The following MYBPHL variants were observed in gnomAD, a reference collection of about 807,000 sequenced individuals.
MYBPHL encodes the protein myosin binding protein H like, also known as myosin-binding protein H-like.
A neutral mutation model predicts 39.5 loss-of-function variants in MYBPHL; 32 were observed. That is an observed-to-expected ratio of 0.81 (90% CI 0.61 to 1.09). The LOEUF (loss-of-function observed/expected upper bound fraction) is 1.09, where lower values mean the gene tolerates loss of function less well. Ranked by LOEUF, MYBPHL falls within the 50% of genes least tolerant of loss-of-function variation. MYBPHL has a pLI of 0.00. For missense variants in MYBPHL, 456 were observed against 460.2 expected (o/e 0.99, Z 0.08); for synonymous variants, 196 against 183.7 (o/e 1.07, Z -0.54).
chr1:109,301,810 T>C (rs1348126509), intron 1 of MYBPHL, among the ~76,000 whole-genome samples: 1 of 152,196 alleles, frequency 6.6e-6, no homozygotes, highest in African/African-American at 2.4e-5. Context: ...ATTAGAAAAT[T>C]CCTCCTAATA....
At chr1:109,299,574 T>G (rs748683095) in intron 1 of MYBPHL, among the ~76,000 whole-genome samples, 4 of 152,222 alleles carry the variant, frequency 2.6e-5, no homozygotes, top group Non-Finnish European at 5.9e-5. Flanking sequence ...AATCTCAAGG[T>G]CGCGAGACCT....
At chr1:109,296,097 A>C (rs970087665) in intron 6 of MYBPHL, 137 bp downstream of exon 6, 4 of 1,086,412 alleles carry the variant, frequency 3.7e-6, no homozygotes, top group Non-Finnish European at 5.3e-6. Context: ...ACTGTTCCTA[A>C]ATACCGTGCT....
In MYBPHL at chr1:109,306,739, G is replaced by T. The variant is rs1245204671; in HGVS notation, c.145+108C>A. The stretch of plus-strand genomic sequence containing the variant: ...CTCCAGCCTAATCACCAATCCTATA[G>T]AGTCTTTAGCTCTGCAGAAAACCTG... On this transcript the variant is annotated intron_variant, in intron 1 of 8. Coordinates refer to ENST00000357155, the MANE Select transcript of MYBPHL (RefSeq NM_001010985.3). 4.3e-6 allele frequency: 4 copies of T among 929,096 alleles called. 1 individual carries two copies. The highest frequency in any genetic ancestry group is 3.1e-6 in the Non-Finnish European group (2 of 648,510). 57.6% of individuals were successfully genotyped at this position (929,096 alleles called of 1,614,324 possible).
In MYBPHL at chr1:109,298,333, G is replaced by C. The variant is rs931363167; in HGVS notation, c.146-76C>G. The C allele has an allele frequency of 4.5e-6, 6 of 1,332,336 alleles. No homozygotes were observed. In the East Asian group the frequency reaches 1.2e-4, roughly 27 times the overall value. The allele number at this position is 1,332,336 out of a possible 1,614,324, so 82.5% of individuals were successfully genotyped here. On this transcript the variant is annotated intron_variant, in intron 1 of 8. Transcript: ENST00000357155. Reference sequence around the variant, plus strand: ...ATCCTGCATCCAGCTGCCTGCTGTGGGTGAGTGGCCCAGGAATCGGTCACC... The same window carrying C: ...ATCCTGCATCCAGCTGCCTGCTGTGCGTGAGTGGCCCAGGAATCGGTCACC...
chr1:109,296,206 C>T (rs1658052636), intron 6 of MYBPHL, 28 bp downstream of exon 6: 1 of 1,611,180 alleles, frequency 6.2e-7, no homozygotes, highest in African/African-American at 1.3e-5. Context: ...AGCAGCTCAG[C>T]ACAGTGCCCC....
chr1:109,296,256 C>T lies in MYBPHL; in HGVS notation c.845G>A (p.Cys282Tyr), dbSNP rs1658055850. The T allele has an allele frequency of 6.2e-7, 1 of 1,613,868 alleles. No homozygotes were observed. Among genetic ancestry groups the T allele is most frequent in the Non-Finnish European group, 8.5e-7 (1 of 1,179,992 alleles). ...TVTGYNTQLF[C>Y]CVRASPRPKI... is the part of the protein sequence containing the mutation. ...CACCCGGGGAGAGGCGCGGACACAG[C>T]AGAAGAGCTGGGTATTATAGCCGGT... is the stretch of plus-strand genomic sequence containing the variant. Residue 282 changes from cysteine (C) to tyrosine (Y), a missense_variant, in exon 6 of 9, where the codon TGC becomes TAC. Coordinates refer to ENST00000357155, the MANE Select transcript of MYBPHL (RefSeq NM_001010985.3).
chr1:109,294,280 A>G (rs774664758), intron 7 of MYBPHL, 31 bp from the exon 8 acceptor site: 10 of 1,606,030 alleles, frequency 6.2e-6, no homozygotes, highest in Non-Finnish European at 8.5e-7. Context: ...CTCAGTGTTA[A>G]CATCTCAGAA....
chr1:109,303,487 T>A (rs1046026387), intron 1 of MYBPHL, among the ~76,000 whole-genome samples: 5 of 152,204 alleles, frequency 3.3e-5, no homozygotes, highest in African/African-American at 9.7e-5. Context: ...CAAAATTATA[T>A]GGAGTTTAAC....
Position 109,297,514 on chromosome 1 carries a change from C to A in MYBPHL, c.338G>T (p.Arg113Leu). Residue 113 changes from arginine (R) to leucine (L), a missense_variant, in exon 3 of 9, where the codon CGA (arginine) becomes CTA (leucine). Physicochemically the swap from Arg to Leu is moderately radical, Grantham distance 102. Transcript: ENST00000357155. ...NGEQDSILFI[R>L]EAQRADSGRY... ...ACCTGAGTCAGCACGTTGGGCTTCTCGGATGAAGAGGATGGAGTCTTGCTC... is the reference window on the plus strand; with the variant it reads ...ACCTGAGTCAGCACGTTGGGCTTCTAGGATGAAGAGGATGGAGTCTTGCTC... 1 of 1,613,796 alleles carries A rather than the reference C, an allele frequency of 6.2e-7. No individual in the cohort carries two copies. The highest frequency in any genetic ancestry group is 8.5e-7 in the Non-Finnish European group (1 of 1,180,018).
Position 109,294,504 on chromosome 1 carries a change from T to C in MYBPHL, c.1055-255A>G, listed in dbSNP as rs76499121. ...GGGGGGACAAAGGCAAATAAGACAA[T>C]GTCCCTACCCTCAAAATGCTTATAA... On this transcript the variant is annotated intron_variant, in intron 7 of 8. Coordinates refer to ENST00000357155, the MANE Select transcript of MYBPHL (RefSeq NM_001010985.3). Among the ~76,000 whole-genome samples, 1,019 of 152,232 alleles carry C rather than the reference T, an allele frequency of 6.7e-3. 15 individuals are homozygous for C. Among genetic ancestry groups the C allele is most frequent in the African/African-American group, 0.023 (973 of 41,526 alleles).
intron 8 of MYBPHL, 126 bp downstream of exon 8, chr1:109,294,080 C>A (rs928393624): frequency 1.5e-6 from 1 of 665,514 alleles, no homozygotes; most frequent in South Asian, 1.8e-5. Context: ...AAAATGGTTA[C>A]AACAAAAGTG....
chr1:109,302,828 C>T (rs79635650), intron 1 of MYBPHL, among the ~76,000 whole-genome samples: 132 of 152,352 alleles, frequency 8.7e-4, no homozygotes, highest in African/African-American at 3.0e-3. Flanking sequence ...TTACCCCTTC[C>T]GTAGCGTAGC....
chr1:109,299,546 T>C (rs1658211566), intron 1 of MYBPHL, among the ~76,000 whole-genome samples: 1 of 152,260 alleles, frequency 6.6e-6, no homozygotes, highest in Non-Finnish European at 1.5e-5. Context: ...AGAACTTCAC[T>C]CTGAGTCTCC....
intron 1 of MYBPHL, among the ~76,000 whole-genome samples, chr1:109,303,988 C>T (rs550629845): frequency 6.7e-6 from 1 of 149,310 alleles, no homozygotes; most frequent in Admixed American, 6.6e-5. Context: ...CTTTAAGTTG[C>T]TGCTCAAATG....
intron 1 of MYBPHL, among the ~76,000 whole-genome samples, chr1:109,305,105 G>T (rs1658418890): frequency 6.6e-6 from 1 of 152,020 alleles, no homozygotes. Context: ...ACTTTTTTGT[G>T]TATTTTTCCA....
intron 1 of MYBPHL, among the ~76,000 whole-genome samples, chr1:109,298,500 TCTC>T (rs1323225267): frequency 2.0e-5 from 3 of 152,012 alleles, no homozygotes; most frequent in Admixed American, 6.5e-5. Flanking sequence ...GTCTGACAGT[TCTC>T]TTAATTTGTA....
intron 1 of MYBPHL, among the ~76,000 whole-genome samples, chr1:109,300,070 G>T (rs1282562408): frequency 6.6e-6 from 1 of 152,216 alleles, no homozygotes; most frequent in Non-Finnish European, 1.5e-5. Context: ...CATTTGCTGG[G>T]GAGAGGGCTG....
intron 6 of MYBPHL, among the ~76,000 whole-genome samples, chr1:109,295,662 C>A (rs1457814255): frequency 6.6e-6 from 1 of 152,232 alleles, no homozygotes; most frequent in Non-Finnish European, 1.5e-5. Flanking sequence ...TGTGAGTTGC[C>A]TCTGTCCCCT....
chr1:109,294,436 C>T (rs1239226647), intron 7 of MYBPHL, among the ~76,000 whole-genome samples, 187 bp from the exon 8 acceptor site: 1 of 152,282 alleles, frequency 6.6e-6, no homozygotes, highest in East Asian at 1.9e-4. Context: ...ATGCAACAAA[C>T]ATTTAGAGTG....
Sources: gnomAD v4.1 joint callset for allele counts (sites outside exome capture counted in the v4.1 genomes callset) on GRCh38, gnomAD v4.1.1 for gene constraint, MANE v1.5 for transcripts, NCBI Gene and HGNC (gene_info 2026-07-23, HGNC 2026-07-21) for gene names.